Variants in NBEA observed in about 807,000 individuals in gnomAD.
The protein encoded by NBEA is neurobeachin.
Under a neutral mutation model 343.4 loss-of-function variants are expected in NBEA, and 44 were observed. That is an observed-to-expected ratio of 0.13 (90% CI 0.10 to 0.16). The LOEUF (loss-of-function observed/expected upper bound fraction) is 0.16. Ranked by LOEUF, NBEA falls within the 10% of genes least tolerant of loss-of-function variation. The pLI is 1.00. For missense variants in NBEA, 2,555 were observed against 3,631.3 expected, an observed-to-expected ratio of 0.70 and a Z score of 7.62; for synonymous variants, 1,175 against 1,238.7, an observed-to-expected ratio of 0.95 and a Z score of 1.08.
chr13:35,015,937 A>G (rs1214660597), intron 1 of NBEA, among the ~76,000 whole-genome samples: 1 of 152,154 alleles, frequency 6.6e-6, no homozygotes, highest in Admixed American at 6.5e-5. Context: ...TAAAAAAGGA[A>G]TATAGATATT....
intron 33 of NBEA, among the ~76,000 whole-genome samples, chr13:35,229,833 AT>A (rs1412770914): frequency 2.0e-5 from 3 of 152,162 alleles, no homozygotes; most frequent in Non-Finnish European, 4.4e-5. Context: ...TTTATACAGC[AT>A]TTACAACCTT....
intron 48 of NBEA, among the ~76,000 whole-genome samples, chr13:35,614,532 A>G (rs2082654530): frequency 6.6e-6 from 1 of 152,210 alleles, no homozygotes; most frequent in South Asian, 2.1e-4. Context: ...AGGCTTAAGA[A>G]TCAGTCAAGT....
At chr13:35,420,385 G>T (rs1261056481) in intron 38 of NBEA, among the ~76,000 whole-genome samples, 2 of 151,900 alleles carry the variant, frequency 1.3e-5, no homozygotes, top group Non-Finnish European at 2.9e-5. Context: ...ATGATCATGT[G>T]ATTTTTCTTC....
At chr13:35,670,391 T>C (rs898844887) in intron 58 of NBEA, among the ~76,000 whole-genome samples, 2 of 152,164 alleles carry the variant, frequency 1.3e-5, no homozygotes, top group Admixed American at 6.5e-5. Context: ...AGCCTGGCAG[T>C]GACCTCCACT....
intron 41 of NBEA, among the ~76,000 whole-genome samples, chr13:35,535,819 T>A (rs1361707072): frequency 6.6e-6 from 1 of 152,158 alleles, no homozygotes; most frequent in Non-Finnish European, 1.5e-5. Flanking sequence ...ATATAAAAAA[T>A]TACTTTAGTC....
At chr13:35,267,657 C>G (rs2033794730) in intron 34 of NBEA, among the ~76,000 whole-genome samples, 1 of 149,522 alleles carries the variant, frequency 6.7e-6, no homozygotes, top group Admixed American at 6.7e-5. Context: ...AACTCAACCA[C>G]AAAAAAAAAC....
chr13:35,104,498 C>T (rs2065818536), intron 11 of NBEA, among the ~76,000 whole-genome samples: 1 of 151,880 alleles, frequency 6.6e-6, no homozygotes, highest in African/African-American at 2.4e-5. Flanking sequence ...TATGAAAAGT[C>T]CTTGTATGCT....
rs1409811476 is a variant in NBEA at position 35,044,992 on chromosome 13, C to T, written c.572C>T (p.Thr191Ile). ...GGGGTTCTTGCCAGCTACAGCATCA[C>T]TGTCAAGGAGTTGAAGCTTTTGTTC... The part of the protein sequence containing the change: ...MLGVLASYSI[T>I]VKELKLLFSM... Residue 191 changes from threonine (T) to isoleucine (I), a missense_variant, in exon 3 of 59, where the codon ACT becomes ATT. This residue lies in a region of NBEA where 185 missense variants were observed against 290.6 expected (regional missense o/e 0.64). Coordinates refer to ENST00000379939, the MANE Select transcript of NBEA (RefSeq NM_001385012.1). The T allele has an allele frequency of 1.3e-5, 21 of 1,612,000 alleles. No individual in the cohort carries two copies. Among genetic ancestry groups the T allele is most frequent in the Non-Finnish European group, 1.7e-5 (20 of 1,179,082 alleles).
chr13:35,599,521 T>C (rs557496151), intron 47 of NBEA, among the ~76,000 whole-genome samples: 23 of 152,334 alleles, frequency 1.5e-4, no homozygotes, highest in Admixed American at 1.5e-3. Flanking sequence ...CATGTCTGTC[T>C]CTATCACATG....
chr13:35,119,648 C>T (rs2066684441), intron 16 of NBEA, among the ~76,000 whole-genome samples: 2 of 152,068 alleles, frequency 1.3e-5, no homozygotes, highest in Admixed American at 1.3e-4. Flanking sequence ...TGCAGTGGCG[C>T]AATCTCAGCT....
intron 41 of NBEA, among the ~76,000 whole-genome samples, chr13:35,530,600 T>G (rs1426321490): frequency 6.6e-6 from 1 of 152,248 alleles, no homozygotes; most frequent in Non-Finnish European, 1.5e-5. Context: ...GCCTGCACTT[T>G]GTGCTCTCTG....
chr13:35,425,361 G>C (rs1182063782), intron 38 of NBEA, among the ~76,000 whole-genome samples: 2 of 152,194 alleles, frequency 1.3e-5, no homozygotes, highest in African/African-American at 4.8e-5. Context: ...TGTTCTCATT[G>C]GTTTCAAAGA....
At chr13:35,432,033 A>C (rs2045148891) in intron 38 of NBEA, among the ~76,000 whole-genome samples, 1 of 152,070 alleles carries the variant, frequency 6.6e-6, no homozygotes, top group Non-Finnish European at 1.5e-5. Flanking sequence ...AGCAGAGCTG[A>C]GTGGTATAAT....
At chr13:35,270,668 G>A (rs995941470) in intron 34 of NBEA, among the ~76,000 whole-genome samples, 1 of 152,164 alleles carries the variant, frequency 6.6e-6, no homozygotes, top group African/African-American at 2.4e-5. Context: ...AGCAGACCAG[G>A]AGACTCCCCC....
At chr13:35,127,037 G>A (rs2067172283) in intron 17 of NBEA, among the ~76,000 whole-genome samples, 1 of 152,012 alleles carries the variant, frequency 6.6e-6, no homozygotes, top group Admixed American at 6.6e-5. Flanking sequence ...AAGTCTAGAT[G>A]TAAGATTTTG....
chr13:35,017,207 A>G (rs1406270247), intron 1 of NBEA, among the ~76,000 whole-genome samples: 1 of 152,214 alleles, frequency 6.6e-6, no homozygotes, highest in African/African-American at 2.4e-5. Flanking sequence ...AAATAAAGTG[A>G]AGAAACTAGA....
chr13:35,196,090 A>T lies in NBEA; in HGVS notation c.5154A>T (p.Leu1718Phe). 6.2e-7 allele frequency: 1 copy of T among 1,613,672 alleles called. No homozygotes were observed. The highest frequency in any genetic ancestry group is 8.5e-7 in the Non-Finnish European group (1 of 1,179,734). ...AAGTGAAGAAATCACAAGAGAGCTT[A>T]ACTGAAAATCCTAGTGAAACGTTGA... ...SSEVKKSQES[L>F]TENPSETLKP... Residue 1718 changes from leucine to phenylalanine, a missense_variant, in exon 31 of 59, where the codon TTA (leucine) becomes TTT (phenylalanine). By Grantham distance (22) the Leu-to-Phe change is conservative. Coordinates refer to ENST00000379939, the MANE Select transcript of NBEA (RefSeq NM_001385012.1).
intron 21 of NBEA, among the ~76,000 whole-genome samples, chr13:35,157,804 T>G (rs188248064): frequency 6.6e-6 from 1 of 152,168 alleles, no homozygotes; most frequent in African/African-American, 2.4e-5. Context: ...ATATACACAT[T>G]AGATTCTGGA....
At chr13:35,196,897 A>G (rs143474928) in intron 31 of NBEA, among the ~76,000 whole-genome samples, 1 of 152,278 alleles carries the variant, frequency 6.6e-6, no homozygotes, top group Non-Finnish European at 1.5e-5. Flanking sequence ...TTGGCATTTT[A>G]GGTATCGAAA....
Sources: allele counts gnomAD v4.1 joint callset (sites outside exome capture counted in the v4.1 genomes callset), GRCh38; gene constraint gnomAD v4.1.1; regional missense constraint gnomAD v4.1.1; transcripts MANE v1.5; gene names NCBI Gene and HGNC (gene_info 2026-07-23, HGNC 2026-07-21).